DMXL2: variants seen among roughly 807,000 people sequenced by gnomAD.
DMXL2 encodes the protein dmX-like protein 2.
A neutral mutation model predicts 331.1 loss-of-function variants in DMXL2; 103 were observed. The ratio of observed to expected loss-of-function variants is 0.31; its 90% CI spans 0.27 to 0.37. The LOEUF is 0.37. DMXL2 is among the 10% of genes least tolerant of loss of function. The probability of loss-of-function intolerance (pLI) is 1.00; values close to 1 mark genes in which losing one functional copy is unlikely to be tolerated. For missense variants in DMXL2, 3,171 were observed against 3,642.9 expected (o/e 0.87, Z 3.33); for synonymous variants, 1,281 against 1,252.1 (o/e 1.02, Z -0.49).
chr15:51,466,878 AATTTTTTTTAAATAAAAAAAATCCC>A (rs951803937), intron 29 of DMXL2, among the ~76,000 whole-genome samples: 13 of 151,968 alleles, frequency 8.6e-5, no homozygotes, highest in Non-Finnish European at 1.3e-4. Context: ...TTAGCTGGGG[AATTTTTTTTAAATAAAAAAAATCCC>A]ATTTTTTTTA....
rs2048279399 is a variant in DMXL2 at position 51,536,206 on chromosome 15, A to G, written c.2274T>C (p.Asn758=). 1.2e-6 allele frequency: 2 copies of G among 1,606,608 alleles called. No homozygotes were observed. Among genetic ancestry groups the G allele is most frequent in the Admixed American group, 3.4e-5 (2 of 58,464 alleles). ...GAATGAGAGTTGGAAGCCAAGCCAC[A>G]TTAGAGAACGCTGAGGTATGTAAAG... ...INSLHTSAFS[N]VAWLPTLIPS... The change falls in exon 12 of 44, where the codon AAT becomes AAC. Residue 758 remains asparagine, a synonymous_variant. Transcript: ENST00000560891.
In DMXL2 at chr15:51,542,453, C is replaced by A; in HGVS notation, c.985G>T (p.Val329Leu). The change falls in exon 9 of 44, where the codon GTA (valine) becomes TTA (leucine). Residue 329 changes from valine to leucine, a missense_variant. Physicochemically the swap from Val to Leu is conservative, Grantham distance 32 (BLOSUM62 1). Around this residue, in one of 7 missense-constraint regions of DMXL2, gnomAD observed 1,674 missense variants for 1,780.2 expected, o/e 0.94. Coordinates refer to ENST00000560891, the MANE Select transcript of DMXL2 (RefSeq NM_001378457.1). ...RKGQRRSSVL[V>L]THAELMPDQT... ...TCGGGCATTAATTCAGCATGAGTTACAAGAACAGATGACCTCCTCTGTCCT... is the reference window on the plus strand; with the variant it reads ...TCGGGCATTAATTCAGCATGAGTTAAAAGAACAGATGACCTCCTCTGTCCT... 6.2e-7 allele frequency: 1 copy of A among 1,613,772 alleles called. No individual in the cohort carries two copies. The highest frequency in any genetic ancestry group is 8.5e-7 in the Non-Finnish European group (1 of 1,179,814).
At chr15:51,454,529 C>T (rs1238706175) in intron 40 of DMXL2, among the ~76,000 whole-genome samples, 2 of 152,158 alleles carry the variant, frequency 1.3e-5, no homozygotes, top group Non-Finnish European at 2.9e-5. Flanking sequence ...CGAAGTCTCA[C>T]TCTGTTGCCC....
At chr15:51,583,099 CA>C (rs1274881702) in intron 1 of DMXL2, among the ~76,000 whole-genome samples, 2 of 133,408 alleles carry the variant, frequency 1.5e-5, no homozygotes, top group Admixed American at 7.9e-5. Context: ...GAAATTACTT[CA>C]TTCTTCTTTT....
Position 51,536,497 on chromosome 15 carries a change from A to T in DMXL2, c.1983T>A (p.Val661=). The T allele has an allele frequency of 6.2e-7, 1 of 1,614,030 alleles. No individual in the cohort carries two copies. The highest frequency in any genetic ancestry group is 8.5e-7 in the Non-Finnish European group (1 of 1,179,968). ...FHLNDLACHS[V]LPLLLTSSHH... is the part of the protein sequence containing the mutation. ...GAGAGGATGTCAATAACAGTGGTAA[A>T]ACTGAATGACATGCCAGGTCATTGA... Residue 661 remains valine (V), a synonymous_variant, in exon 12 of 44, where the codon GTT becomes GTA. Transcript: ENST00000560891.
chr15:51,564,075 G>T, intron 5 of DMXL2, 50 bp downstream of exon 5: 1 of 1,521,740 alleles, frequency 6.6e-7, no homozygotes, highest in South Asian at 1.3e-5. Context: ...CATATTTTAG[G>T]AAGCACTTGC....
At chr15:51,595,801 C>G (rs932207945) in intron 1 of DMXL2, among the ~76,000 whole-genome samples, 13 of 152,146 alleles carry the variant, frequency 8.5e-5, no homozygotes, top group Admixed American at 1.3e-4. Flanking sequence ...ACAAACCTGA[C>G]AAAAGCAAGA....
intron 1 of DMXL2, among the ~76,000 whole-genome samples, chr15:51,591,818 A>G (rs376920309): frequency 3.3e-5 from 5 of 152,212 alleles, no homozygotes. Context: ...TCTGGAGTGG[A>G]CCTCCAGCAA....
intron 20 of DMXL2, among the ~76,000 whole-genome samples, chr15:51,489,438 C>T (rs1354427412): frequency 6.6e-6 from 1 of 152,118 alleles, no homozygotes; most frequent in African/African-American, 2.4e-5. Context: ...AGGCAGATCA[C>T]TTGAGGTCAG....
Position 51,488,550 on chromosome 15 carries a change from A to G in DMXL2, c.5049T>C (p.Phe1683=), listed in dbSNP as rs901298267. ...CGTTAAGTGTCAAGGCAACTTACCT[A>G]AACAGACCCCACACTACTGCTTTCT... The part of the protein sequence containing the change: ...MKKKAVVWGL[F]RSQHDEKMTT... The change falls in exon 21 of 44, where the codon TTT becomes TTC. Residue 1683 remains phenylalanine, a splice_region_variant and synonymous_variant. Coordinates refer to ENST00000560891, the MANE Select transcript of DMXL2 (RefSeq NM_001378457.1). The G allele has an allele frequency of 1.1e-5, 18 of 1,612,454 alleles. No homozygotes were observed. In the Admixed American group the frequency reaches 2.5e-4, roughly 22 times the overall value.
At position 51,536,846 on chromosome 15, in the gene DMXL2, C is replaced by T. The variant is rs144335202; in HGVS notation, c.1634G>A (p.Arg545Gln). ...ACCAGAGGGAAATGCAACAGGAATC[C>T]GAGAAGAAAAAGAAACCTGAAAAAC... is the stretch of plus-strand genomic sequence containing the variant. ...FRQVQVSFSSRIPVAFPSGDA... is the reference protein window; with the variant it reads ...FRQVQVSFSSQIPVAFPSGDA... The change falls in exon 12 of 44, where the codon CGG (arginine) becomes CAG (glutamine). Residue 545 changes from arginine (R) to glutamine (Q), a missense_variant. Arg to Gln is a conservative substitution (Grantham distance 43). Around this residue, in one of 7 missense-constraint regions of DMXL2, gnomAD observed 1,674 missense variants for 1,780.2 expected, o/e 0.94. Coordinates refer to ENST00000560891, the MANE Select transcript of DMXL2 (RefSeq NM_001378457.1). 45 of 1,597,610 alleles carry T rather than the reference C, an allele frequency of 2.8e-5. No homozygotes were observed. Among genetic ancestry groups the T allele is most frequent in the African/African-American group, 1.9e-4 (14 of 73,596 alleles).
In DMXL2 at chr15:51,560,111, A is replaced by G. The variant is rs76510433; in HGVS notation, c.567+3270T>C. Among the ~76,000 whole-genome samples, 299 of 152,328 alleles carry G rather than the reference A, an allele frequency of 2.0e-3. 10 individuals are homozygous for G. The East Asian group carries it at 0.052, about 26-fold the overall frequency. ...TTTCATTTGGATTAGGGACTTAATT[A>G]TAAGAGATTAAAATTTTAAGATTTT... On this transcript the variant is annotated intron_variant, in intron 6 of 43. Transcript: ENST00000560891.
intron 17 of DMXL2, among the ~76,000 whole-genome samples, chr15:51,501,505 C>T (rs1202871726): frequency 6.6e-6 from 1 of 152,110 alleles, no homozygotes; most frequent in Non-Finnish European, 1.5e-5. Context: ...GTGATTACCA[C>T]AATGTGAATG....
chr15:51,538,477 TATA>T, intron 9 of DMXL2, 25 bp from the exon 10 acceptor site: 1 of 1,528,916 alleles, frequency 6.5e-7, no homozygotes. Context: ...GAGATTTCAA[TATA>T]ATTTTTTTTA....
At chr15:51,611,733 C>T (rs1416599609) in intron 1 of DMXL2, among the ~76,000 whole-genome samples, 1 of 152,178 alleles carries the variant, frequency 6.6e-6, no homozygotes, top group Non-Finnish European at 1.5e-5. Context: ...GCTAGCTGGA[C>T]TTCCTGGGTC....
At chr15:51,607,783 C>G (rs917489088) in intron 1 of DMXL2, among the ~76,000 whole-genome samples, 1 of 152,184 alleles carries the variant, frequency 6.6e-6, no homozygotes, top group African/African-American at 2.4e-5. Context: ...CAGTTTACGT[C>G]TCAACAGAAA....
At chr15:51,458,023 G>A (rs1183106897) in intron 36 of DMXL2, 3 of 155,926 alleles carry the variant, frequency 1.9e-5, no homozygotes, top group Non-Finnish European at 2.8e-5. Flanking sequence ...CAGGAGGGAA[G>A]GCAAACCACA....
At chr15:51,526,716 A>G (rs889891252) in intron 13 of DMXL2, among the ~76,000 whole-genome samples, 1 of 152,232 alleles carries the variant, frequency 6.6e-6, no homozygotes, top group Non-Finnish European at 1.5e-5. Flanking sequence ...AATAATTAAA[A>G]ACAATCAAGC....
chr15:51,613,304 C>A lies in DMXL2; in HGVS notation c.87+9155G>T, dbSNP rs535581813. Among the ~76,000 whole-genome samples the A allele has an allele frequency of 4.6e-5, 7 of 152,216 alleles. No homozygotes were observed. The South Asian group carries it at 6.2e-4, about 14-fold the overall frequency. On this transcript the variant is annotated intron_variant, in intron 1 of 43. Coordinates refer to ENST00000560891, the MANE Select transcript of DMXL2 (RefSeq NM_001378457.1). ...CTTCACAATTTATGTTCAGAGACTG[C>A]AGTAAAGACAGGTGTAAGAAATTAT... is the stretch of plus-strand genomic sequence containing the variant.
Sources: allele counts gnomAD v4.1 joint callset (sites outside exome capture counted in the v4.1 genomes callset), GRCh38; gene constraint gnomAD v4.1.1; regional missense constraint gnomAD v4.1.1; transcripts MANE v1.5; gene names NCBI Gene and HGNC (gene_info 2026-07-23, HGNC 2026-07-21).